ATP8B1: variants seen among roughly 807,000 people sequenced by gnomAD.
ATP8B1 encodes the protein ATPase phospholipid transporting 8B1, also known as phospholipid-transporting ATPase IC.
A neutral mutation model predicts 149.9 loss-of-function variants in ATP8B1; 80 were observed. The ratio of observed to expected loss-of-function variants is 0.53; its 90% confidence interval spans 0.45 to 0.64. The LOEUF (loss-of-function observed/expected upper bound fraction) is 0.64, where lower values mean the gene tolerates loss of function less well. ATP8B1 is among the 30% of genes least tolerant of loss of function. The pLI is 0.00. For missense variants in ATP8B1, 1,247 were observed against 1,552.6 expected (o/e 0.80, Z 3.31); for synonymous variants, 536 against 562.8 (o/e 0.95, Z 0.67).
intron 1 of ATP8B1, among the ~76,000 whole-genome samples, chr18:57,750,099 C>A (rs933305320): frequency 6.6e-6 from 1 of 152,054 alleles, no homozygotes; most frequent in South Asian, 2.1e-4. Context: ...GAAAATTATC[C>A]AGGCATGGTG....
intron 24 of ATP8B1, 112 bp from the exon 25 acceptor site, chr18:57,652,841 G>A (rs980331956): frequency 2.2e-6 from 3 of 1,349,288 alleles, no homozygotes; most frequent in Non-Finnish European, 3.1e-6. Flanking sequence ...ATTTTAGGAA[G>A]GCAAAAACTG....
At chr18:57,704,781 C>A in intron 3 of ATP8B1, 113 bp from the exon 4 acceptor site, 1 of 753,242 alleles carries the variant, frequency 1.3e-6, no homozygotes, top group South Asian at 1.5e-5. Context: ...CATCATCTGT[C>A]AGAAAGATAT....
intron 6 of ATP8B1, among the ~76,000 whole-genome samples, chr18:57,699,677 C>T (rs567125972): frequency 1.4e-4 from 21 of 151,966 alleles, no homozygotes; most frequent in Non-Finnish European, 2.8e-4. Context: ...GCGGAGATCG[C>T]GCCACTGCAC....
intron 1 of ATP8B1, among the ~76,000 whole-genome samples, chr18:57,770,864 TTTTG>T (rs1388680691): frequency 6.6e-6 from 1 of 152,190 alleles, no homozygotes; most frequent in Non-Finnish European, 1.5e-5. Flanking sequence ...TGGATGTGAA[TTTTG>T]TTTGTTTTGT....
chr18:57,735,982 A>AC (rs2079850387), intron 1 of ATP8B1, among the ~76,000 whole-genome samples: 1 of 76,224 alleles, frequency 1.3e-5, no homozygotes, highest in Non-Finnish European at 2.7e-5. Flanking sequence ...CCCCACCCCC[A>AC]CCCCCAACAG....
intron 1 of ATP8B1, among the ~76,000 whole-genome samples, chr18:57,762,593 A>G (rs1466288150): frequency 5.9e-5 from 9 of 152,238 alleles, no homozygotes; most frequent in Non-Finnish European, 1.0e-4. Flanking sequence ...CTTACTCTCA[A>G]GAGTGGAACA....
chr18:57,777,501 C>T (rs540970834), intron 1 of ATP8B1, among the ~76,000 whole-genome samples: 5 of 152,226 alleles, frequency 3.3e-5, no homozygotes, highest in East Asian at 3.9e-4. Context: ...GGTGATGGCC[C>T]GTGCCTTTGG....
chr18:57,748,082 T>A (rs553449595), intron 1 of ATP8B1, among the ~76,000 whole-genome samples: 1 of 152,278 alleles, frequency 6.6e-6, no homozygotes, highest in African/African-American at 2.4e-5. Context: ...ACAAATCTGA[T>A]CAGTTTAAGC....
At chr18:57,698,535 A>G (rs1912948215) in intron 6 of ATP8B1, among the ~76,000 whole-genome samples, 1 of 151,860 alleles carries the variant, frequency 6.6e-6, no homozygotes, top group Non-Finnish European at 1.5e-5. Context: ...AGTTTTTACC[A>G]TATTGGCCAG....
At chr18:57,680,156 A>C (rs1192517910) in intron 15 of ATP8B1, among the ~76,000 whole-genome samples, 1 of 151,470 alleles carries the variant, frequency 6.6e-6, no homozygotes, top group Admixed American at 6.6e-5. Flanking sequence ...GGGCGCCTGT[A>C]ATCCCAGCTA....
chr18:57,661,601 A>G, intron 21 of ATP8B1, 139 bp from the exon 22 acceptor site: 1 of 827,072 alleles, frequency 1.2e-6, no homozygotes. Flanking sequence ...TGATTTTATA[A>G]CCAAAACATG....
Position 57,669,454 on chromosome 18 carries a change from A to G in ATP8B1, c.1961T>C (p.Leu654Pro), listed in dbSNP as rs1323924998. 6.2e-7 allele frequency: 1 copy of G among 1,613,132 alleles called. No homozygotes were observed. The highest frequency in any genetic ancestry group is 8.5e-7 in the Non-Finnish European group (1 of 1,179,216). Residue 654 changes from leucine to proline, a missense_variant, in exon 18 of 28, where the codon CTA becomes CCA. Around this residue, in one of 3 missense-constraint regions of ATP8B1, gnomAD observed 853 missense variants for 1,035.7 expected, o/e 0.82. Coordinates refer to ENST00000648908, the MANE Select transcript of ATP8B1 (RefSeq NM_001374385.1). ...TTCAATTTCCTTGTAGCAAAGGCAT[A>G]GGGTTCTAAGAGTTTCATTTGCAAA... ...DIFANETLRT[L>P]CLCYKEIEEK...
intron 27 of ATP8B1, 38 bp downstream of exon 27, chr18:57,650,329 T>C: frequency 6.2e-7 from 1 of 1,606,838 alleles, no homozygotes; most frequent in Non-Finnish European, 8.5e-7. Context: ...TTGGTTTCTG[T>C]GAGGGACAGA....
chr18:57,764,953 T>C (rs1376152669), intron 1 of ATP8B1, among the ~76,000 whole-genome samples: 1 of 152,114 alleles, frequency 6.6e-6, no homozygotes, highest in Non-Finnish European at 1.5e-5. Context: ...CCCAAAAGAA[T>C]TGAAGGCAGG....
intron 15 of ATP8B1, among the ~76,000 whole-genome samples, chr18:57,676,410 A>G (rs1911590352): frequency 8.9e-6 from 1 of 112,060 alleles, no homozygotes; most frequent in Non-Finnish European, 2.0e-5. Flanking sequence ...TCTCCTTATT[A>G]AAAAAAAAAA....
At chr18:57,751,244 C>T (rs2080015246) in intron 1 of ATP8B1, among the ~76,000 whole-genome samples, 1 of 152,018 alleles carries the variant, frequency 6.6e-6, no homozygotes, top group African/African-American at 2.4e-5. Context: ...TAACCCAGTA[C>T]TTTGGGAGGC....
chr18:57,696,104 C>T (rs1345007476), intron 8 of ATP8B1, among the ~76,000 whole-genome samples: 3 of 152,182 alleles, frequency 2.0e-5, no homozygotes, highest in African/African-American at 7.2e-5. Flanking sequence ...TGCCGTCTCA[C>T]GACTGAAGGC....
rs1912766339 is a variant in ATP8B1 at position 57,695,535 on chromosome 18, A to G, written c.699-3T>C. The stretch of plus-strand genomic sequence containing the variant: ...TCTTAAATTTTAAATTGGTTTCTCT[A>G]AAGGAATGGGGAAAAAATGAATTAA... On this transcript the variant is annotated splice_polypyrimidine_tract_variant and splice_region_variant and intron_variant, in intron 8 of 27. Transcript: ENST00000648908. 1 of 1,605,266 alleles carries G rather than the reference A, an allele frequency of 6.2e-7. No homozygotes were observed. Among genetic ancestry groups the G allele is most frequent in the East Asian group, 2.2e-5 (1 of 44,760 alleles).
chr18:57,669,522 T>A, intron 17 of ATP8B1, 40 bp from the exon 18 acceptor site: 1 of 1,563,000 alleles, frequency 6.4e-7, no homozygotes, highest in Non-Finnish European at 8.8e-7. Flanking sequence ...ATGCAAAGAA[T>A]AGTTAATTTA....
Sources: gnomAD v4.1 joint callset for allele counts (sites outside exome capture counted in the v4.1 genomes callset) on GRCh38, gnomAD v4.1.1 for gene constraint, gnomAD v4.1.1 regional missense constraint, MANE v1.5 for transcripts, NCBI Gene and HGNC (gene_info 2026-07-23, HGNC 2026-07-21) for gene names.